ANKRD44: variants seen among roughly 807,000 people sequenced by gnomAD.
The protein encoded by ANKRD44 is ankyrin repeat domain 44.
In ANKRD44, 35 loss-of-function variants were observed where a neutral mutation model predicts 116.0. That is an observed-to-expected ratio of 0.30 (90% CI 0.23 to 0.40). ANKRD44 has a LOEUF of 0.40. Among genes scored for constraint, ANKRD44 ranks in the 10% least tolerant of loss-of-function variants. The pLI, the probability that ANKRD44 is intolerant of heterozygous loss-of-function variation, is 1.00. For synonymous variants in ANKRD44, 435 were observed against 461.8 expected (o/e 0.94, Z 0.74); for missense variants, 1,014 against 1,242.6 (o/e 0.82, Z 2.77).
At position 197,004,137 on chromosome 2, in the gene ANKRD44, C is replaced by A. The variant is rs2076161664; in HGVS notation, c.2347+1557G>T. Among the ~76,000 whole-genome samples the A allele has an allele frequency of 2.6e-5, 4 of 151,994 alleles. No individual in the cohort carries two copies. In the South Asian group the frequency reaches 8.3e-4, roughly 32 times the overall value. On this transcript the variant is annotated intron_variant, in intron 21 of 27. Coordinates refer to ENST00000282272, the MANE Select transcript of ANKRD44 (RefSeq NM_001195144.2). ...CCATATAATCTTAGGGGTAGGAGAC[C>A]TTTTGAAGAGAGACTGGAAACCTGG...
intron 2 of ANKRD44, among the ~76,000 whole-genome samples, chr2:197,183,713 C>T (rs1010110102): frequency 6.6e-6 from 1 of 152,044 alleles, no homozygotes; most frequent in African/African-American, 2.4e-5. Context: ...ACAAAAGGGC[C>T]TGTGGATCCC....
At chr2:197,166,924 T>C (rs576550390) in intron 2 of ANKRD44, among the ~76,000 whole-genome samples, 3 of 152,370 alleles carry the variant, frequency 2.0e-5, no homozygotes, top group African/African-American at 7.2e-5. Flanking sequence ...AATTCTTATG[T>C]GATATATAGT....
intron 1 of ANKRD44, among the ~76,000 whole-genome samples, chr2:197,270,727 C>T (rs1471579439): frequency 6.6e-6 from 1 of 152,192 alleles, no homozygotes; most frequent in Non-Finnish European, 1.5e-5. Context: ...AGCTGTAGCA[C>T]TGGAGCTGGG....
intron 2 of ANKRD44, among the ~76,000 whole-genome samples, chr2:197,161,318 G>A (rs867408640): frequency 1.5e-4 from 23 of 152,070 alleles, no homozygotes; most frequent in African/African-American, 4.8e-4. Context: ...GCAAAAAAAC[G>A]GTCACTAGGG....
intron 6 of ANKRD44, 112 bp from the exon 7 acceptor site, chr2:197,122,904 G>A (rs2078890698): frequency 7.5e-7 from 1 of 1,333,256 alleles, no homozygotes. Context: ...ATTTTGCTGA[G>A]TTATTTGTAA....
intron 16 of ANKRD44, among the ~76,000 whole-genome samples, chr2:197,032,512 C>T (rs553754059): frequency 6.6e-6 from 1 of 152,156 alleles, no homozygotes; most frequent in African/African-American, 2.4e-5. Context: ...CCTCAGCCTC[C>T]TGAGTAGCTG....
intron 1 of ANKRD44, among the ~76,000 whole-genome samples, chr2:197,286,485 C>T (rs2083410876): frequency 1.3e-5 from 2 of 151,768 alleles, no homozygotes; most frequent in African/African-American, 4.8e-5. Flanking sequence ...ATTGATCCTC[C>T]TGTCTCAGCC....
At chr2:197,122,545 C>T in intron 7 of ANKRD44, 105 bp downstream of exon 7, 1 of 1,436,076 alleles carries the variant, frequency 7.0e-7, no homozygotes, top group African/African-American at 1.4e-5. Flanking sequence ...TGCTAGAAAA[C>T]AATTCCCCTG....
At chr2:197,244,228 G>A (rs1356678283) in intron 1 of ANKRD44, among the ~76,000 whole-genome samples, 2 of 152,124 alleles carry the variant, frequency 1.3e-5, no homozygotes, top group African/African-American at 2.4e-5. Context: ...CAACACAAAA[G>A]GTACAGTGAT....
chr2:197,059,124 G>C (rs550303553), intron 16 of ANKRD44, among the ~76,000 whole-genome samples: 2 of 152,210 alleles, frequency 1.3e-5, no homozygotes, highest in East Asian at 3.9e-4. Flanking sequence ...TATTTGCCTA[G>C]GGCCAGAGAG....
intron 10 of ANKRD44, among the ~76,000 whole-genome samples, chr2:197,096,100 G>A (rs16861802): frequency 0.041 from 6,219 of 152,220 alleles, 429 homozygotes; most frequent in African/African-American, 0.14. Context: ...AGTCTTGTGA[G>A]ACTGGGTTCC....
rs377194538 is a variant in ANKRD44 at position 197,136,656 on chromosome 2, C to T, written c.197G>A (p.Arg66His). The T allele has an allele frequency of 2.0e-5, 33 of 1,613,998 alleles. No individual in the cohort carries two copies. Among genetic ancestry groups the T allele is most frequent in the South Asian group, 3.3e-5 (3 of 91,086 alleles). The change falls in exon 4 of 28, where the codon CGT becomes CAT. Residue 66 changes from arginine (R) to histidine (H), a missense_variant. Transcript: ENST00000282272. ...CCACATGTTGTCCTTGGCATTTACA[C>T]GAGCTCCTGGAATCAAACAGCACAA... ...IIELLILSGARVNAKDNMWLT... is the reference protein window; with the variant it reads ...IIELLILSGAHVNAKDNMWLT...
At chr2:197,001,334 A>G (rs753586119) in intron 22 of ANKRD44, among the ~76,000 whole-genome samples, 1 of 152,256 alleles carries the variant, frequency 6.6e-6, no homozygotes, top group East Asian at 1.9e-4. Flanking sequence ...ATCAGACAAG[A>G]GCTTACAACA....
At chr2:197,258,232 C>T (rs1574380322) in intron 1 of ANKRD44, among the ~76,000 whole-genome samples, 3 of 144,572 alleles carry the variant, frequency 2.1e-5, no homozygotes. Flanking sequence ...TCCCAAGTAG[C>T]TGTGATTACA....
intron 1 of ANKRD44, among the ~76,000 whole-genome samples, chr2:197,228,397 A>G (rs772158500): frequency 2.6e-5 from 4 of 152,244 alleles, no homozygotes; most frequent in African/African-American, 4.8e-5. Flanking sequence ...CCCTCCTGAC[A>G]GAGGCAGAAA....
intron 1 of ANKRD44, among the ~76,000 whole-genome samples, chr2:197,261,047 A>G (rs1338159804): frequency 6.6e-6 from 1 of 151,642 alleles, no homozygotes; most frequent in Non-Finnish European, 1.5e-5. Flanking sequence ...CTCTGATGGT[A>G]GTTTCTTTTG....
intron 1 of ANKRD44, among the ~76,000 whole-genome samples, chr2:197,214,612 T>C (rs1251757509): frequency 6.6e-6 from 1 of 152,200 alleles, no homozygotes; most frequent in Non-Finnish European, 1.5e-5. Flanking sequence ...ATATACCACA[T>C]CTTACAGTTA....
At chr2:197,267,218 G>A (rs959994970) in intron 1 of ANKRD44, among the ~76,000 whole-genome samples, 5 of 152,150 alleles carry the variant, frequency 3.3e-5, no homozygotes, top group East Asian at 1.9e-4. Context: ...ACTAAGGGTC[G>A]CCATCATGCA....
chr2:197,062,034 G>A lies in ANKRD44; in HGVS notation c.1650+16669C>T, dbSNP rs539760676. On this transcript the variant is annotated intron_variant, in intron 16 of 27. Transcript: ENST00000282272. The stretch of plus-strand genomic sequence containing the variant: ...GACCTCGGGTGATCCACCCGCCTCG[G>A]CCTCCCAAAGTGCTTGGATTATAGG... Among the ~76,000 whole-genome samples, 4 of 152,300 alleles carry A rather than the reference G, an allele frequency of 2.6e-5. No individual in the cohort carries two copies. In the South Asian group the frequency reaches 8.3e-4, roughly 32 times the overall value.
Sources: gnomAD v4.1 joint callset for allele counts (sites outside exome capture counted in the v4.1 genomes callset) on GRCh38, gnomAD v4.1.1 for gene constraint, MANE v1.5 for transcripts, NCBI Gene and HGNC (gene_info 2026-07-23, HGNC 2026-07-21) for gene names.